Variants in FANCC observed in about 807,000 individuals in gnomAD.
The protein encoded by FANCC is Fanconi anemia group C protein.
Under a neutral mutation model 71.3 loss-of-function variants are expected in FANCC, and 55 were observed. The observed-to-expected ratio is 0.77, with a 90% CI of 0.62 to 0.97. The LOEUF (loss-of-function observed/expected upper bound fraction) is 0.97. FANCC is among the 50% of genes least tolerant of loss of function. The pLI is 0.00. For missense variants in FANCC, 678 were observed against 670.9 expected (o/e 1.01, Z -0.12); for synonymous variants, 275 against 244.9 (o/e 1.12, Z -1.15).
At chr9:95,285,686 T>A (rs1331556755) in intron 1 of FANCC, among the ~76,000 whole-genome samples, 1 of 151,822 alleles carries the variant, frequency 6.6e-6, no homozygotes, top group Non-Finnish European at 1.5e-5. Context: ...AAAAAAAAAA[T>A]TCCCAGTACT....
rs1261928674 is a variant in FANCC, at chr9:95,100,620, T to C, written c.*1087A>G. 8.7e-6 allele frequency: 2 copies of C among 230,320 alleles called. No individual in the cohort carries two copies. Among genetic ancestry groups the C allele is most frequent in the East Asian group, 6.2e-5 (1 of 16,168 alleles). 14.3% of individuals were successfully genotyped at this position (230,320 alleles called of 1,614,324 possible). ...TACTGACATGAAATAAATGTTAACC[T>C]TGAGATTACACTAACAATGCCTTTT... On this transcript the variant is annotated 3_prime_UTR_variant, in exon 15 of 15. Coordinates refer to ENST00000289081, the MANE Select transcript of FANCC (RefSeq NM_000136.3).
chr9:95,230,558 T>C (rs922279670), intron 4 of FANCC, among the ~76,000 whole-genome samples: 6 of 152,132 alleles, frequency 3.9e-5, no homozygotes, highest in Admixed American at 2.0e-4. Flanking sequence ...GTTTGTTCCT[T>C]CAGATGTTCA....
At chr9:95,290,185 AC>A (rs1296562160) in intron 1 of FANCC, among the ~76,000 whole-genome samples, 2 of 151,904 alleles carry the variant, frequency 1.3e-5, no homozygotes, top group Non-Finnish European at 2.9e-5. Context: ...ACCATATAAA[AC>A]CCCATTAGAA....
At chr9:95,196,696 A>C (rs187164908) in intron 4 of FANCC, among the ~76,000 whole-genome samples, 1 of 152,270 alleles carries the variant, frequency 6.6e-6, no homozygotes, top group African/African-American at 2.4e-5. Context: ...TCTGAGGGTA[A>C]ACTGCACACT....
chr9:95,256,907 T>C (rs1831695546), intron 1 of FANCC, among the ~76,000 whole-genome samples: 1 of 151,180 alleles, frequency 6.6e-6, no homozygotes. Flanking sequence ...TGAAACAGAC[T>C]TTAAACCAAC....
chr9:95,256,325 C>T (rs1386779815), intron 1 of FANCC, among the ~76,000 whole-genome samples: 1 of 152,236 alleles, frequency 6.6e-6, no homozygotes, highest in Non-Finnish European at 1.5e-5. Flanking sequence ...GGAAGTCCAT[C>T]AGACTAACAG....
chr9:95,272,030 G>A (rs1321637533), intron 1 of FANCC, among the ~76,000 whole-genome samples: 2 of 139,650 alleles, frequency 1.4e-5, no homozygotes, highest in Non-Finnish European at 3.0e-5. Context: ...TCAACCTCCC[G>A]GGTTCACGCC....
At chr9:95,279,368 GGT>G (rs1247880579) in intron 1 of FANCC, among the ~76,000 whole-genome samples, 1 of 150,920 alleles carries the variant, frequency 6.6e-6, no homozygotes, top group Non-Finnish European at 1.5e-5. Context: ...AGCCAGGTGT[GGT>G]GGTGCATGCC....
chr9:95,277,800 C>G (rs1365505881), intron 1 of FANCC, among the ~76,000 whole-genome samples: 1 of 152,114 alleles, frequency 6.6e-6, no homozygotes, highest in East Asian at 1.9e-4. Flanking sequence ...AACCAAGAAT[C>G]CCATATCCCC....
intron 1 of FANCC, among the ~76,000 whole-genome samples, chr9:95,284,500 G>A (rs1014368234): frequency 1.5e-4 from 23 of 152,056 alleles, no homozygotes; most frequent in Admixed American, 1.4e-3. Flanking sequence ...CAAATAACTG[G>A]GAAAAGAGTG....
Position 95,117,393 on chromosome 9 carries a change from G to A in FANCC, c.997-3C>T, listed in dbSNP as rs878853674. 1 of 1,613,138 alleles carries A rather than the reference G, an allele frequency of 6.2e-7. No homozygotes were observed. The highest frequency in any genetic ancestry group is 8.5e-7 in the Non-Finnish European group (1 of 1,179,482). On this transcript the variant is annotated splice_region_variant and splice_polypyrimidine_tract_variant and intron_variant, in intron 10 of 14. Coordinates refer to ENST00000289081, the MANE Select transcript of FANCC (RefSeq NM_000136.3). ...TAGGTCTTGAGTGCAAACCGCAGCTGCCACAGGATGGAAAATCCAAAGAGC... is the reference window on the plus strand; with the variant it reads ...TAGGTCTTGAGTGCAAACCGCAGCTACCACAGGATGGAAAATCCAAAGAGC...
At position 95,114,678 on chromosome 9, in the gene FANCC, T is replaced by G; in HGVS notation, c.1105A>C (p.Lys369Gln). The G allele has an allele frequency of 6.2e-7, 1 of 1,614,184 alleles. No homozygotes were observed. The highest frequency in any genetic ancestry group is 8.5e-7 in the Non-Finnish European group (1 of 1,179,994). Residue 369 changes from lysine to glutamine, a missense_variant, in exon 12 of 15, where the codon AAG becomes CAG. Transcript: ENST00000289081. ...IPRGHWLQTL[K>Q]HISELLREAV... ...TCTCTGAGCAGTTCAGAAATATGCT[T>G]CAGTGTCTGGAGCCAGTGTCCCCGA...
At position 95,152,535 on chromosome 9, in the gene FANCC, CT is replaced by C. The variant is rs746567725; in HGVS notation, c.522-2449del. On this transcript the variant is annotated intron_variant, in intron 6 of 14. Coordinates refer to ENST00000289081, the MANE Select transcript of FANCC (RefSeq NM_000136.3). ...ACCGGGGAGGATGGCGGAAAGGCTT[CT>C]GTAGATCACTGTAGGGGCCTGCATA... is the stretch of plus-strand genomic sequence containing the variant. Among the ~76,000 whole-genome samples the C allele has an allele frequency of 6.4e-4, 97 of 152,300 alleles. 1 individual carries two copies. Among genetic ancestry groups the C allele is most frequent in the Non-Finnish European group, 7.4e-4 (50 of 68,026 alleles).
intron 4 of FANCC, among the ~76,000 whole-genome samples, chr9:95,178,871 AATG>A (rs1036486459): frequency 1.8e-4 from 28 of 152,204 alleles, no homozygotes; most frequent in Non-Finnish European, 4.0e-4. Context: ...TTGGTGTACA[AATG>A]ACTGAATTTT....
In FANCC at chr9:95,220,717, A is replaced by G. The variant is rs201147436; in HGVS notation, c.345+19932T>C. 3.1e-3 allele frequency among the ~76,000 whole-genome samples: 478 copies of G among 152,014 alleles called. 9 individuals carry two copies. The East Asian group carries it at 0.043, about 14-fold the overall frequency. On this transcript the variant is annotated intron_variant, in intron 4 of 14. Coordinates refer to ENST00000289081, the MANE Select transcript of FANCC (RefSeq NM_000136.3). ...GGAACATCACACACCGGGGCCTGTC[A>G]TGGGGTAGGGGGAGAGGGGAGGGAT...
chr9:95,126,671 T>C, intron 8 of FANCC, 90 bp from the exon 9 acceptor site: 1 of 1,341,334 alleles, frequency 7.5e-7, no homozygotes, highest in Non-Finnish European at 1.1e-6. Flanking sequence ...TACTGGGAAC[T>C]GCTGATGTCC....
chr9:95,123,501 C>T (rs1252274320), intron 10 of FANCC: 1 of 474,110 alleles, frequency 2.1e-6, no homozygotes, highest in East Asian at 6.2e-5. Flanking sequence ...TTAGTGCTTC[C>T]TCCAGTCCGT....
At chr9:95,106,629 T>C (rs2071464394) in intron 14 of FANCC, among the ~76,000 whole-genome samples, 1 of 152,214 alleles carries the variant, frequency 6.6e-6, no homozygotes, top group South Asian at 2.1e-4. Context: ...TTCTTTGTAA[T>C]AAACCAATTT....
At chr9:95,113,193 T>C (rs2072097024) in intron 12 of FANCC, among the ~76,000 whole-genome samples, 1 of 152,204 alleles carries the variant, frequency 6.6e-6, no homozygotes, top group Non-Finnish European at 1.5e-5. Context: ...GTCTGGTCTC[T>C]GTCGGTAAGA....
Sources: gnomAD v4.1 joint callset for allele counts (sites outside exome capture counted in the v4.1 genomes callset) on GRCh38, gnomAD v4.1.1 for gene constraint, MANE v1.5 for transcripts, NCBI Gene and HGNC (gene_info 2026-07-23, HGNC 2026-07-21) for gene names.